The following TMEM43 variants were observed in gnomAD, a reference collection of about 807,000 sequenced individuals.
TMEM43 encodes the protein transmembrane protein 43.
Under a neutral mutation model 49.6 loss-of-function variants are expected in TMEM43, and 45 were observed. The observed-to-expected ratio is 0.91, with a 90% confidence interval of 0.71 to 1.16. TMEM43 has a LOEUF of 1.16. TMEM43 is among the 50% of genes most tolerant of loss of function. The pLI, the probability that TMEM43 is intolerant of heterozygous loss-of-function variation, is 0.00. For missense variants in TMEM43, 532 were observed against 516.6 expected (o/e 1.03, Z -0.29); for synonymous variants, 199 against 207.8 (o/e 0.96, Z 0.36).
chr3:14,131,802 G>A, intron 4 of TMEM43, 128 bp downstream of exon 4: 1 of 756,978 alleles, frequency 1.3e-6, no homozygotes, highest in Non-Finnish European at 2.3e-6. Flanking sequence ...TATCAGAAAA[G>A]TGTGAAATGA....
chr3:14,133,038 G>T (rs1033211861), intron 6 of TMEM43, 103 bp downstream of exon 6: 2 of 1,040,302 alleles, frequency 1.9e-6, no homozygotes. Context: ...ATCCTGCCTC[G>T]TGGGTTGAAA....
rs370839609 is a variant in TMEM43 at position 14,141,672 on chromosome 3, C to T, written c.1080C>T (p.Thr360=). The T allele has an allele frequency of 1.2e-6, 2 of 1,614,238 alleles. No homozygotes were observed. Among genetic ancestry groups the T allele is most frequent in the South Asian group, 1.1e-5 (1 of 91,080 alleles). Residue 360 remains threonine, a synonymous_variant, in exon 12 of 12, where the codon ACC becomes ACT. Transcript: ENST00000306077. The part of the protein sequence containing the change: ...AFAFCVATSL[T]LLTVAAGWLF... ...CCTTCTGTGTGGCCACCTCGCTGAC[C>T]CTGCTGACCGTGGCGGCTGGCTGGC...
At chr3:14,128,989 G>A in intron 1 of TMEM43, 1 of 456,330 alleles carries the variant, frequency 2.2e-6, no homozygotes. Context: ...TGAATGAATT[G>A]CAAAAGCAGT....
intron 3 of TMEM43, 57 bp downstream of exon 3, chr3:14,131,013 G>T: frequency 6.4e-7 from 1 of 1,573,614 alleles, no homozygotes; most frequent in South Asian, 1.2e-5. Context: ...CCTGGATGTT[G>T]TCTGGCTGAG....
intron 1 of TMEM43, among the ~76,000 whole-genome samples, chr3:14,125,912 G>A (rs1333441557): frequency 6.6e-6 from 1 of 152,188 alleles, no homozygotes; most frequent in East Asian, 1.9e-4. Context: ...CATTCAACAA[G>A]CAGCGCCTCC....
chr3:14,130,910 A>G lies in TMEM43; in HGVS notation c.251A>G (p.Asn84Ser), dbSNP rs773605236. ...AGCATCCACAGTGTGGCTCCGGAGA[A>G]TGAAGGAAGGCTGGTGCACATCATT... ...PDSIHSVAPE[N>S]EGRLVHIIGA... Residue 84 changes from asparagine to serine, a missense_variant, in exon 3 of 12, where the codon AAT (asparagine) becomes AGT (serine). Coordinates refer to ENST00000306077, the MANE Select transcript of TMEM43 (RefSeq NM_024334.3). The G allele has an allele frequency of 1.9e-6, 3 of 1,613,514 alleles. No individual in the cohort carries two copies. The highest frequency in any genetic ancestry group is 2.5e-6 in the Non-Finnish European group (3 of 1,179,624).
At position 14,133,823 on chromosome 3, in the gene TMEM43, C is replaced by T; in HGVS notation, c.583+14C>T. ...TCCTCTCGTCAGGTAAGTCTCAGGC[C>T]TCTCCAGAGGAGCTCGTGCCAGAAG... On this transcript the variant is annotated intron_variant, in intron 7 of 11. Coordinates refer to ENST00000306077, the MANE Select transcript of TMEM43 (RefSeq NM_024334.3). 5.6e-6 allele frequency: 9 copies of T among 1,613,562 alleles called. No individual in the cohort carries two copies. Among genetic ancestry groups the T allele is most frequent in the Non-Finnish European group, 7.6e-6 (9 of 1,179,424 alleles).
At position 14,135,220 on chromosome 3, in the gene TMEM43, C is replaced by A. The variant is rs955293392; in HGVS notation, c.768C>A (p.Gly256=). Residue 256 remains glycine, a synonymous_variant, in exon 9 of 12, where the codon GGC becomes GGA. Coordinates refer to ENST00000306077, the MANE Select transcript of TMEM43 (RefSeq NM_024334.3). The part of the protein sequence containing the change: ...AGLSGDDPDL[G]PAHVVTVIAR... Reference sequence around the variant, plus strand: ...TGAGCGGCGATGACCCTGACCTGGGCCCAGCTCACGTGGTAACCTGGCTTC... The same window carrying A: ...TGAGCGGCGATGACCCTGACCTGGGACCAGCTCACGTGGTAACCTGGCTTC... 4 of 1,612,224 alleles carry A rather than the reference C, an allele frequency of 2.5e-6. No homozygotes were observed. Among genetic ancestry groups the A allele is most frequent in the Non-Finnish European group, 3.4e-6 (4 of 1,179,914 alleles).
chr3:14,132,616 G>A (rs906383978), intron 5 of TMEM43, 21 bp downstream of exon 5: 5 of 1,613,614 alleles, frequency 3.1e-6, no homozygotes, highest in African/African-American at 1.3e-5. Flanking sequence ...GGCCCCTTAC[G>A]TGGTCTCTGC....
chr3:14,141,732 C>T lies in TMEM43; in HGVS notation c.1140C>T (p.Ala380=), dbSNP rs1055842863. 3.0e-5 allele frequency: 48 copies of T among 1,614,080 alleles called. No homozygotes were observed. Among genetic ancestry groups the T allele is most frequent in the Non-Finnish European group, 4.0e-5 (47 of 1,180,036 alleles). Residue 380 remains alanine (A), a synonymous_variant, in exon 12 of 12, where the codon GCC becomes GCT. Coordinates refer to ENST00000306077, the MANE Select transcript of TMEM43 (RefSeq NM_024334.3). ...GACCCCTGTGGGCCCTCCTCATTGC[C>T]GGCCTGGCCCTTGTGCCCATCCTTG... The part of the protein sequence containing the change: ...FYRPLWALLI[A]GLALVPILVA...
chr3:14,134,033 GGTT>G (rs1206764711), intron 7 of TMEM43, among the ~76,000 whole-genome samples: 1 of 152,284 alleles, frequency 6.6e-6, no homozygotes, highest in South Asian at 2.1e-4. Flanking sequence ...CTGAAATCTG[GGTT>G]GTTCCAGAGA....
intron 10 of TMEM43, 91 bp from the exon 11 acceptor site, chr3:14,139,089 C>A: frequency 2.2e-6 from 2 of 926,572 alleles, no homozygotes; most frequent in Admixed American, 1.7e-5. Context: ...CAACAGCTCC[C>A]GAGTTGGTAC....
rs1320733643 is a variant in TMEM43, at chr3:14,132,611, C to T, written c.442+16C>T. 1 of 1,613,904 alleles carries T rather than the reference C, an allele frequency of 6.2e-7. No individual in the cohort carries two copies. Among genetic ancestry groups the T allele is most frequent in the Non-Finnish European group, 8.5e-7 (1 of 1,179,880 alleles). ...TATTCCTACAGTGAGTGCTGGGCCCCTTACGTGGTCTCTGCCCATGGTGGG... is the reference window on the plus strand; with the variant it reads ...TATTCCTACAGTGAGTGCTGGGCCCTTTACGTGGTCTCTGCCCATGGTGGG... On this transcript the variant is annotated intron_variant, in intron 5 of 11. Transcript: ENST00000306077.
chr3:14,135,276 G>T, intron 9 of TMEM43, 44 bp downstream of exon 9: 1 of 1,504,428 alleles, frequency 6.6e-7, no homozygotes, highest in Non-Finnish European at 9.2e-7. Flanking sequence ...AGAGCCTCAC[G>T]ACTTTCCTGG....
At chr3:14,140,545 G>A (rs539380047) in intron 11 of TMEM43, among the ~76,000 whole-genome samples, 3 of 152,298 alleles carry the variant, frequency 2.0e-5, no homozygotes, top group Non-Finnish European at 4.4e-5. Flanking sequence ...ACAAGACTTA[G>A]AGCAACAGCT....
rs1241720083 is a variant in TMEM43 at position 14,142,053 on chromosome 3, CCTG to C, written c.*262_*264del. The C allele has an allele frequency of 1.1e-5, 6 of 542,138 alleles. No individual in the cohort carries two copies. The highest frequency in any genetic ancestry group is 6.2e-5 in the Admixed American group (2 of 32,036). 33.6% of individuals were successfully genotyped at this position (542,138 alleles called of 1,614,324 possible). On this transcript the variant is annotated 3_prime_UTR_variant, in exon 12 of 12. Transcript: ENST00000306077. ...CATGAATGGCAAGCTGACAGCTTCT[CCTG>C]CTGTTTCCTTCCTCTCTTGGACTGA...
Position 14,133,057 on chromosome 3 carries a change from C to A in TMEM43, c.512+122C>A, listed in dbSNP as rs1283555495. The A allele has an allele frequency of 4.5e-6, 4 of 885,104 alleles. No homozygotes were observed. The African/African-American group carries it at 5.0e-5, about 11-fold the overall frequency. 54.8% of individuals were successfully genotyped at this position (885,104 alleles called of 1,614,324 possible). A position where few individuals can be genotyped will look rare whatever the true frequency, so the allele number is the denominator to read the frequency against. On this transcript the variant is annotated intron_variant, in intron 6 of 11. Transcript: ENST00000306077. ...TGCCTCGTGGGTTGAAAATGTGGGA[C>A]ATGGGTTTGAGACCAAGCCCTGTGC...
At chr3:14,138,411 A>G (rs1239236634) in intron 10 of TMEM43, among the ~76,000 whole-genome samples, 1 of 152,008 alleles carries the variant, frequency 6.6e-6, no homozygotes, top group Non-Finnish European at 1.5e-5. Context: ...CAGTGGTAAG[A>G]GACTCGGGAA....
At chr3:14,135,724 G>A in intron 9 of TMEM43, 83 bp from the exon 10 acceptor site, 1 of 1,223,970 alleles carries the variant, frequency 8.2e-7, no homozygotes, top group Non-Finnish European at 1.2e-6. Context: ...CCGGCACCCA[G>A]TCCCGGGAGG....
Sources: allele counts gnomAD v4.1 joint callset (sites outside exome capture counted in the v4.1 genomes callset), GRCh38; gene constraint gnomAD v4.1.1; transcripts MANE v1.5; gene names NCBI Gene and HGNC (gene_info 2026-07-23, HGNC 2026-07-21).